The following MXD1 variants were observed in gnomAD, a reference collection of about 807,000 sequenced individuals.
MXD1 encodes MAX-binding protein.
Under a neutral mutation model 25.7 loss-of-function variants are expected in MXD1, and 9 were observed. The ratio of observed to expected loss-of-function variants is 0.35; its 90% CI spans 0.21 to 0.61. The LOEUF (loss-of-function observed/expected upper bound fraction) is 0.61. MXD1 is among the 20% of genes least tolerant of loss of function. The probability of loss-of-function intolerance (pLI) is 0.75; values close to 1 mark genes in which losing one functional copy is unlikely to be tolerated. For synonymous variants in MXD1, 99 were observed against 113.9 expected (o/e 0.87, Z 0.83); for missense variants, 227 against 292.4 (o/e 0.78, Z 1.63).
At chr2:69,937,143 G>C in intron 4 of MXD1, 92 bp from the exon 5 acceptor site, 1 of 1,519,878 alleles carries the variant, frequency 6.6e-7, no homozygotes. Flanking sequence ...AGGAAGTGTG[G>C]CGCATTCCAC....
At chr2:69,933,671 CT>C (rs1677354062) in intron 3 of MXD1, among the ~76,000 whole-genome samples, 1 of 152,206 alleles carries the variant, frequency 6.6e-6, no homozygotes, top group African/African-American at 2.4e-5. Flanking sequence ...GCCTTGCTTA[CT>C]AGCCCTGCCT....
At chr2:69,930,740 A>G (rs1456387514) in intron 3 of MXD1, among the ~76,000 whole-genome samples, 1 of 152,218 alleles carries the variant, frequency 6.6e-6, no homozygotes, top group Non-Finnish European at 1.5e-5. Flanking sequence ...GGAATATCAT[A>G]GTGCTCTTAT....
Position 69,938,885 on chromosome 2 carries a change from C to T in MXD1, c.*601C>T, listed in dbSNP as rs1352829558. ...GCGTGTGGATGGGAGCAGTATTTCT[C>T]ACTTTAAAATGGACACCTTGATAGT... On this transcript the variant is annotated 3_prime_UTR_variant, in exon 6 of 6. Coordinates refer to ENST00000264444, the MANE Select transcript of MXD1 (RefSeq NM_002357.4). 1.3e-5 allele frequency: 2 copies of T among 152,854 alleles called. No homozygotes were observed. The highest frequency in any genetic ancestry group is 2.9e-5 in the Non-Finnish European group (2 of 68,224). 9.5% of individuals were successfully genotyped at this position (152,854 alleles called of 1,614,324 possible).
chr2:69,923,234 C>T (rs937814088), intron 3 of MXD1, among the ~76,000 whole-genome samples: 14 of 152,162 alleles, frequency 9.2e-5, no homozygotes, highest in Non-Finnish European at 1.5e-4. Context: ...GCTCTGCACT[C>T]GTATGTTTCA....
intron 2 of MXD1, among the ~76,000 whole-genome samples, chr2:69,918,801 C>T (rs1370374288): frequency 6.6e-6 from 1 of 152,092 alleles, no homozygotes; most frequent in African/African-American, 2.4e-5. Context: ...TTTCCATAAT[C>T]ACATGGAAAA....
chr2:69,930,521 C>T (rs550255660), intron 3 of MXD1, among the ~76,000 whole-genome samples: 3 of 152,292 alleles, frequency 2.0e-5, no homozygotes, highest in Non-Finnish European at 2.9e-5. Flanking sequence ...CCTTATAAAA[C>T]CCTTGCTAAT....
rs1275990788 is a variant in MXD1, at chr2:69,939,983, G to GT, written c.*1705dup. On this transcript the variant is annotated 3_prime_UTR_variant, in exon 6 of 6. Transcript: ENST00000264444. ...TCTCAGAAAGCAAGATTACTTTTGT[G>GT]TTTTTTAAAAAATGATTCTTTAATG... The GT allele has an allele frequency of 3.3e-5, 5 of 152,134 alleles. No homozygotes were observed. The highest frequency in any genetic ancestry group is 1.2e-4 in the African/African-American group (5 of 41,504). 9.4% of individuals were successfully genotyped at this position (152,134 alleles called of 1,614,324 possible). A position where few individuals can be genotyped will look rare whatever the true frequency, so the allele number is the denominator to read the frequency against.
At chr2:69,916,323 A>G (rs1676962285) in intron 2 of MXD1, 103 bp downstream of exon 2, 1 of 716,626 alleles carries the variant, frequency 1.4e-6, no homozygotes, top group Non-Finnish European at 2.4e-6. Context: ...ATAAAATTAC[A>G]TTGTGGCCGT....
Position 69,915,468 on chromosome 2 carries a change from G to C in MXD1, c.73+65G>C, listed in dbSNP as rs979869432. 87 of 1,224,428 alleles carry C rather than the reference G, an allele frequency of 7.1e-5. No homozygotes were observed. The highest frequency in any genetic ancestry group is 8.5e-5 in the Non-Finnish European group (82 of 964,372). The allele number at this position is 1,224,428 out of a possible 1,614,324, so 75.8% of individuals were successfully genotyped here. ...GGGGGTCCTGTGGGGCCGGCCTCAG[G>C]TCCGGGCGCCCAGCCGCTCCGGGGG... On this transcript the variant is annotated intron_variant, in intron 1 of 5. Transcript: ENST00000264444. This position sits in a 1 kb window ranked among gnomAD's most constrained non-coding sequence, Gnocchi z 5.8.
intron 1 of MXD1, 74 bp from the exon 2 acceptor site, chr2:69,916,047 A>C: frequency 1.3e-6 from 1 of 791,614 alleles, no homozygotes; most frequent in South Asian, 1.5e-5. Flanking sequence ...TAAAGGAAAA[A>C]GGAAATACTG....
intron 3 of MXD1, among the ~76,000 whole-genome samples, chr2:69,931,731 C>A (rs1677289770): frequency 1.3e-5 from 2 of 152,162 alleles, no homozygotes; most frequent in Admixed American, 6.5e-5. Flanking sequence ...ATACTTGATT[C>A]AGAGCATGAC....
At chr2:69,938,013 C>T in intron 5 of MXD1, 84 bp from the exon 6 acceptor site, 1 of 1,349,372 alleles carries the variant, frequency 7.4e-7, no homozygotes, top group Non-Finnish European at 1.0e-6. Context: ...TCCCAAAGTG[C>T]TGGGATTACA....
At chr2:69,920,003 T>C (rs199823523) in intron 2 of MXD1, among the ~76,000 whole-genome samples, 13 of 37,588 alleles carry the variant, frequency 3.5e-4, no homozygotes, top group African/African-American at 9.1e-4. Context: ...TGTTTTGTTT[T>C]GTTTTGTTTT....
rs949177892 is a variant in MXD1 at position 69,923,882 on chromosome 2, A to G, written c.203+2117A>G. ...TAAACCGGGACTATTTCTGCTGAAAAGTCTTCTAGTTCTTCGCCCCTCTAA... is the reference window on the plus strand; with the variant it reads ...TAAACCGGGACTATTTCTGCTGAAAGGTCTTCTAGTTCTTCGCCCCTCTAA... On this transcript the variant is annotated intron_variant, in intron 3 of 5. Transcript: ENST00000264444. 3.9e-5 allele frequency among the ~76,000 whole-genome samples: 6 copies of G among 152,338 alleles called. No individual in the cohort carries two copies. The East Asian group carries it at 9.6e-4, about 24-fold the overall frequency.
intron 3 of MXD1, among the ~76,000 whole-genome samples, chr2:69,930,226 T>C (rs1264671792): frequency 6.6e-6 from 1 of 152,240 alleles, no homozygotes; most frequent in East Asian, 1.9e-4. Context: ...TGTTTTAAAT[T>C]TGCTCCTCAA....
Position 69,938,207 on chromosome 2 carries a change from A to G in MXD1, c.589A>G (p.Ser197Gly). The G allele has an allele frequency of 6.2e-7, 1 of 1,614,234 alleles. No individual in the cohort carries two copies. Among genetic ancestry groups the G allele is most frequent in the South Asian group, 1.1e-5 (1 of 91,090 alleles). ...GCGGGGCAGCATGCAGAGCCTCGGC[A>G]GTGATGAGGGCTATTCCAGCACCAG... The part of the protein sequence containing the change: ...DERGSMQSLG[S>G]DEGYSSTSIK... Residue 197 changes from serine to glycine, a missense_variant, in exon 6 of 6, where the codon AGT (serine) becomes GGT (glycine). Physicochemically the swap from Ser to Gly is moderately conservative, Grantham distance 56. Transcript: ENST00000264444.
rs913627606 is a variant in MXD1 at position 69,915,669 on chromosome 2, C to T, written c.73+266C>T. Among the ~76,000 whole-genome samples the T allele has an allele frequency of 1.3e-5, 2 of 152,228 alleles. No individual in the cohort carries two copies. The highest frequency in any genetic ancestry group is 2.1e-4 in the South Asian group (1 of 4,828). ...GCCCTTCACGAGTGGGTGGCCGGGG[C>T]CCCCTCCGATAGCCTCCCTGGTTTA... is the stretch of plus-strand genomic sequence containing the variant. On this transcript the variant is annotated intron_variant, in intron 1 of 5. Coordinates refer to ENST00000264444, the MANE Select transcript of MXD1 (RefSeq NM_002357.4). The surrounding 1 kb of genome is among the most constrained non-coding windows in gnomAD (Gnocchi z 5.8).
intron 5 of MXD1, 116 bp downstream of exon 5, chr2:69,937,510 G>A: frequency 2.9e-6 from 3 of 1,045,134 alleles, no homozygotes; most frequent in South Asian, 1.7e-5. Context: ...TGGGTATGAT[G>A]TAGAGAAGTC....
Position 69,939,193 on chromosome 2 carries a change from T to C in MXD1, c.*909T>C, listed in dbSNP as rs187284331. The stretch of plus-strand genomic sequence containing the variant: ...GGTCCAATTATAATCTATTTTCCTA[T>C]TGAACTTTCAGCAATAACTGAGCTG... On this transcript the variant is annotated 3_prime_UTR_variant, in exon 6 of 6. Coordinates refer to ENST00000264444, the MANE Select transcript of MXD1 (RefSeq NM_002357.4). 1.3e-3 allele frequency: 194 copies of C among 152,694 alleles called. No individual in the cohort carries two copies. Among genetic ancestry groups the C allele is most frequent in the African/African-American group, 4.5e-3 (187 of 41,538 alleles). 9.5% of individuals were successfully genotyped at this position (152,694 alleles called of 1,614,324 possible).
Sources: gnomAD v4.1 joint callset for allele counts (sites outside exome capture counted in the v4.1 genomes callset) on GRCh38, gnomAD v4.1.1 for gene constraint, Gnocchi (gnomAD v3.1) non-coding constraint, MANE v1.5 for transcripts, NCBI Gene and HGNC (gene_info 2026-07-23, HGNC 2026-07-21) for gene names.